OR2C1: variants seen among roughly 807,000 people sequenced by gnomAD.
OR2C1 encodes olfactory receptor family 2 subfamily C member 1, also known as olfactory receptor 2C1.
For missense variants in OR2C1, 468 were observed against 388.3 expected (o/e 1.21, Z -1.73); for synonymous variants, 209 against 167.3 (o/e 1.25, Z -1.92).
rs2030677051 is a variant in OR2C1 at position 3,356,422 on chromosome 16, C to A, written c.482C>A (p.Thr161Lys). 7.4e-6 allele frequency: 12 copies of A among 1,613,820 alleles called. No individual in the cohort carries two copies. Among genetic ancestry groups the A allele is most frequent in the Non-Finnish European group, 1.0e-5 (12 of 1,180,040 alleles). ...TTGGGCAACTCTGTGATCCAGTCAA[C>A]ATTCACTCTGCAGCTCCCATTGTGT... ...GGLGNSVIQS[T>K]FTLQLPLCGH... is the part of the protein sequence containing the mutation. Residue 161 changes from threonine to lysine, a missense_variant, in exon 1 of 1, where the codon ACA (threonine) becomes AAA (lysine). Transcript: ENST00000304936.
the OR2C1 span, chr16:3,323,577 TA>T: frequency 1.3e-6 from 1 of 751,708 alleles, no homozygotes; most frequent in East Asian, 2.4e-5. Context: ...AAGACACCAC[TA>T]AAAATTTTCT....
At chr16:3,323,467 C>G in the OR2C1 span, 1 of 737,364 alleles carries the variant, frequency 1.4e-6, no homozygotes, top group Non-Finnish European at 2.5e-6. Flanking sequence ...GTCCATGTTT[C>G]AGAATGAATT....
the OR2C1 span, among the ~76,000 whole-genome samples, chr16:3,333,347 G>A: frequency 1.3e-5 from 2 of 150,144 alleles, no homozygotes; most frequent in African/African-American, 4.9e-5. Flanking sequence ...TTTTAGTTTA[G>A]TTTATTTGAG....
the OR2C1 span, among the ~76,000 whole-genome samples, chr16:3,329,899 T>G: frequency 6.7e-6 from 1 of 149,826 alleles, no homozygotes; most frequent in East Asian, 2.0e-4. Context: ...GGATTACAGG[T>G]GCCCGCCATT....
chr16:3,347,092 C>T, the OR2C1 span, among the ~76,000 whole-genome samples: 1 of 150,738 alleles, frequency 6.6e-6, no homozygotes, highest in East Asian at 2.0e-4. Flanking sequence ...TAAAGAAGTA[C>T]AAAAATTAGC....
At chr16:3,322,972 A>G in the OR2C1 span, 1 of 980,852 alleles carries the variant, frequency 1.0e-6, no homozygotes, top group Non-Finnish European at 1.2e-6. Context: ...GCCAATGTAG[A>G]AAATGCTGGA....
chr16:3,336,708 C>CTTTTTTTT, the OR2C1 span, among the ~76,000 whole-genome samples: 13 of 93,764 alleles, frequency 1.4e-4, no homozygotes, highest in African/African-American at 2.2e-4. Flanking sequence ...TTCTTTCTTT[C>CTTTTTTTT]TTTCTTTTTT....
the OR2C1 span, among the ~76,000 whole-genome samples, chr16:3,336,257 C>A: frequency 1.3e-5 from 2 of 152,170 alleles, no homozygotes; most frequent in Admixed American, 1.3e-4. Flanking sequence ...CCCACTTGAT[C>A]ATGGTGAACG....
At chr16:3,352,832 C>G (rs976180934), upstream of OR2C1, among the ~76,000 whole-genome samples, 5 of 151,382 alleles carry the variant, frequency 3.3e-5, no homozygotes, top group Admixed American at 2.6e-4. Flanking sequence ...AACTCCGCCT[C>G]CTGGGTTCAA....
At chr16:3,337,987 C>A in the OR2C1 span, among the ~76,000 whole-genome samples, 1 of 152,220 alleles carries the variant, frequency 6.6e-6, no homozygotes, top group Non-Finnish European at 1.5e-5. Context: ...GTCACTGCGT[C>A]CTTTTTGGCA....
chr16:3,345,414 AG>A, the OR2C1 span, among the ~76,000 whole-genome samples: 1 of 152,016 alleles, frequency 6.6e-6, no homozygotes, highest in African/African-American at 2.4e-5. Flanking sequence ...TGAACCCAGG[AG>A]GCAGAGCTTG....
At chr16:3,323,103 A>G in the OR2C1 span, 2 of 539,324 alleles carry the variant, frequency 3.7e-6, no homozygotes, top group Admixed American at 3.5e-5. Flanking sequence ...CTTTGAAGAT[A>G]CTTGATAAAA....
upstream of OR2C1, among the ~76,000 whole-genome samples, chr16:3,352,422 AAT>A (rs1347033351): frequency 1.3e-5 from 2 of 151,984 alleles, no homozygotes; most frequent in Admixed American, 1.3e-4. Context: ...GCCAAATTTT[AAT>A]GTTTTTAAAC....
upstream of OR2C1, among the ~76,000 whole-genome samples, chr16:3,351,282 C>A (rs191158031): frequency 2.0e-4 from 27 of 138,342 alleles, no homozygotes; most frequent in East Asian, 5.8e-3. Flanking sequence ...GGCTGGAGTG[C>A]AGTGGCATGA....
At chr16:3,342,374 A>G in the OR2C1 span, among the ~76,000 whole-genome samples, 1 of 152,222 alleles carries the variant, frequency 6.6e-6, no homozygotes, top group East Asian at 1.9e-4. Flanking sequence ...TTAGGGGGAA[A>G]TATTTGTGAT....
At chr16:3,335,870 A>T in the OR2C1 span, among the ~76,000 whole-genome samples, 3 of 152,166 alleles carry the variant, frequency 2.0e-5, no homozygotes, top group African/African-American at 2.4e-5. Flanking sequence ...AAACAAGACT[A>T]ACTTCGCTTC....
the OR2C1 span, among the ~76,000 whole-genome samples, chr16:3,335,668 A>T: frequency 6.6e-6 from 1 of 151,710 alleles, no homozygotes; most frequent in Non-Finnish European, 1.5e-5. Context: ...CTGGGATTAC[A>T]GGCGCCCACC....
Position 3,356,048 on chromosome 16 carries a change from G to T in OR2C1, c.108G>T (p.Leu36Phe). The stretch of plus-strand genomic sequence containing the variant: ...TTATAGCCATCCTCTTCTCCTATTT[G>T]CTGACCCTACTTGGGAACTCAACCA... The part of the protein sequence containing the change: ...IFFIAILFSY[L>F]LTLLGNSTII... Residue 36 changes from leucine (L) to phenylalanine (F), a missense_variant, in exon 1 of 1, where the codon TTG becomes TTT. Coordinates refer to ENST00000304936, the MANE Select transcript of OR2C1 (RefSeq NM_012368.3). The T allele has an allele frequency of 1.2e-6, 2 of 1,614,040 alleles. No homozygotes were observed. Among genetic ancestry groups the T allele is most frequent in the Non-Finnish European group, 1.7e-6 (2 of 1,179,998 alleles).
the OR2C1 span, among the ~76,000 whole-genome samples, chr16:3,334,248 C>T: frequency 1.3e-4 from 20 of 151,696 alleles, no homozygotes; most frequent in Non-Finnish European, 2.6e-4. Context: ...AGTGATTCTC[C>T]CGCCTCAGCC....
Sources: gnomAD v4.1 joint callset for allele counts (sites outside exome capture counted in the v4.1 genomes callset) on GRCh38, gnomAD v4.1.1 for gene constraint, MANE v1.5 for transcripts, NCBI Gene and HGNC (gene_info 2026-07-23, HGNC 2026-07-21) for gene names.